Variants in BNC2 observed in about 807,000 individuals in gnomAD.
BNC2 encodes zinc finger protein basonuclin-2.
Under a neutral mutation model 76.3 loss-of-function variants are expected in BNC2, and 20 were observed. The ratio of observed to expected loss-of-function variants is 0.26; its 90% confidence interval spans 0.18 to 0.38. The LOEUF is 0.38. BNC2 is among the 10% of genes least tolerant of loss of function. The pLI is 1.00. For missense variants in BNC2, 1,382 were observed against 1,399.8 expected (o/e 0.99, Z 0.20); for synonymous variants, 582 against 514.8 (o/e 1.13, Z -1.77).
intron 3 of BNC2, among the ~76,000 whole-genome samples, chr9:16,629,530 A>T (rs1371796638): frequency 6.6e-6 from 1 of 152,198 alleles, no homozygotes; most frequent in Non-Finnish European, 1.5e-5. Context: ...TGAGGCTTAC[A>T]ATTGGATAAA....
At chr9:16,694,400 C>G (rs936446125) in intron 3 of BNC2, among the ~76,000 whole-genome samples, 3 of 152,078 alleles carry the variant, frequency 2.0e-5, no homozygotes, top group Non-Finnish European at 4.4e-5. Context: ...GTTTAAGAGA[C>G]AAATACAACA....
chr9:16,761,141 G>C (rs1478763103), intron 1 of BNC2, among the ~76,000 whole-genome samples: 1 of 152,058 alleles, frequency 6.6e-6, no homozygotes, highest in African/African-American at 2.4e-5. Flanking sequence ...CCAGCTACTT[G>C]GGAGGCTAAG....
intron 1 of BNC2, among the ~76,000 whole-genome samples, chr9:16,834,671 C>T (rs1416181319): frequency 6.6e-6 from 1 of 152,176 alleles, no homozygotes; most frequent in East Asian, 1.9e-4. Flanking sequence ...TACCGGTCTC[C>T]TCACCCATTT....
chr9:16,699,474 T>C (rs576376493), intron 3 of BNC2, among the ~76,000 whole-genome samples: 1 of 152,342 alleles, frequency 6.6e-6, no homozygotes, highest in Admixed American at 6.5e-5. Flanking sequence ...CATTTTCTTC[T>C]GCAAAAGTAA....
chr9:16,687,159 A>T (rs1823003389), intron 3 of BNC2, among the ~76,000 whole-genome samples: 1 of 152,118 alleles, frequency 6.6e-6, no homozygotes. Flanking sequence ...CAAACTTAAG[A>T]CATGAGAAAG....
At chr9:16,828,355 A>G (rs942260550) in intron 1 of BNC2, among the ~76,000 whole-genome samples, 1 of 152,244 alleles carries the variant, frequency 6.6e-6, no homozygotes, top group Non-Finnish European at 1.5e-5. Context: ...AATTCATAAT[A>G]CTTACAAAAC....
intron 3 of BNC2, among the ~76,000 whole-genome samples, chr9:16,614,980 A>AGCC (rs1312892109): frequency 0.011 from 60 of 5,638 alleles, no homozygotes; most frequent in Non-Finnish European, 0.046. Context: ...AAAAAAAAAA[A>AGCC]AAAAAAAAAA....
At chr9:16,643,740 A>G (rs1490165660) in intron 3 of BNC2, among the ~76,000 whole-genome samples, 1 of 152,132 alleles carries the variant, frequency 6.6e-6, no homozygotes, top group African/African-American at 2.4e-5. Flanking sequence ...TTCAAAAATC[A>G]TTTTTAGCTT....
intron 1 of BNC2, among the ~76,000 whole-genome samples, chr9:16,796,342 C>T (rs1158010860): frequency 6.6e-6 from 1 of 152,120 alleles, no homozygotes; most frequent in Admixed American, 6.5e-5. Flanking sequence ...GATTTCATAA[C>T]TGATGTCTTC....
At chr9:16,703,133 T>C (rs1050789818) in intron 3 of BNC2, among the ~76,000 whole-genome samples, 3 of 152,168 alleles carry the variant, frequency 2.0e-5, no homozygotes, top group African/African-American at 2.4e-5. Flanking sequence ...AAGGAAACTT[T>C]TAATAAATCA....
At chr9:16,497,362 A>T (rs936338250) in intron 5 of BNC2, among the ~76,000 whole-genome samples, 2 of 152,248 alleles carry the variant, frequency 1.3e-5, no homozygotes, top group African/African-American at 2.4e-5. Context: ...TATAGCACTG[A>T]AAGTTTTAAT....
intron 3 of BNC2, among the ~76,000 whole-genome samples, chr9:16,656,156 A>C (rs1821924027): frequency 6.6e-6 from 1 of 152,128 alleles, no homozygotes; most frequent in Non-Finnish European, 1.5e-5. Context: ...GAATTATCCA[A>C]CACAAAATGT....
At chr9:16,820,397 G>A (rs1338693285) in intron 1 of BNC2, among the ~76,000 whole-genome samples, 1 of 151,968 alleles carries the variant, frequency 6.6e-6, no homozygotes, top group Non-Finnish European at 1.5e-5. Context: ...TTGCGCTCCA[G>A]CCTGGGCAAC....
At position 16,417,746 on chromosome 9, in the gene BNC2, G is replaced by C. The variant is rs964584969; in HGVS notation, c.*1243C>G. The C allele has an allele frequency of 6.6e-6, 1 of 152,598 alleles. No individual in the cohort carries two copies. Among genetic ancestry groups the C allele is most frequent in the Non-Finnish European group, 1.5e-5 (1 of 68,024 alleles). 9.5% of individuals were successfully genotyped at this position (152,598 alleles called of 1,614,324 possible). ...TCCGTAGCGGGTAATTTGGGCTTTT[G>C]TATCCTGAAATATTATCCTGCCTCT... On this transcript the variant is annotated 3_prime_UTR_variant, in exon 7 of 7. Coordinates refer to ENST00000380672, the MANE Select transcript of BNC2 (RefSeq NM_017637.6).
In BNC2 at chr9:16,826,232, A is replaced by C. The variant is rs1818451759; in HGVS notation, c.3+44414T>G. 2.6e-5 allele frequency among the ~76,000 whole-genome samples: 3 copies of C among 115,406 alleles called. No homozygotes were observed. The South Asian group carries it at 1.0e-3, about 39-fold the overall frequency. 75.7% of individuals were successfully genotyped at this position (115,406 alleles called of 152,430 possible). Reference sequence around the variant, plus strand: ...TCCTTACTTCACTCCCCCCCGCTCAATCTTCCCCCATAACCCAGAGACTTG... The same window carrying C: ...TCCTTACTTCACTCCCCCCCGCTCACTCTTCCCCCATAACCCAGAGACTTG... On this transcript the variant is annotated intron_variant, in intron 1 of 6. Coordinates refer to ENST00000380672, the MANE Select transcript of BNC2 (RefSeq NM_017637.6).
chr9:16,467,772 T>C (rs534016589), intron 5 of BNC2, among the ~76,000 whole-genome samples: 12 of 144,026 alleles, frequency 8.3e-5, no homozygotes, highest in African/African-American at 3.1e-4. Flanking sequence ...GCATGGCACA[T>C]GTATACATAT....
rs143280183 is a variant in BNC2, at chr9:16,419,272, G to A, written c.3017C>T (p.Ala1006Val). The A allele has an allele frequency of 1.6e-4, 265 of 1,614,200 alleles. No homozygotes were observed. The African/African-American group carries it at 2.8e-3, about 17-fold the overall frequency. The change falls in exon 7 of 7, where the codon GCC becomes GTC. Residue 1006 changes from alanine (A) to valine (V), a missense_variant. By Grantham distance (64) the Ala-to-Val change is moderately conservative. Around this residue, in one of 3 missense-constraint regions of BNC2, gnomAD observed 798 missense variants for 775.5 expected, o/e 1.03. Transcript: ENST00000380672. Reference sequence around the variant, plus strand: ...GCTGCCAGGGAGGGCAGGGGCCTCGGCCTTGTGTGCCGACTCCCCACTGTC... The same window carrying A: ...GCTGCCAGGGAGGGCAGGGGCCTCGACCTTGTGTGCCGACTCCCCACTGTC... The part of the protein sequence containing the change: ...ASDSGESAHK[A>V]EAPALPGSLG...
intron 3 of BNC2, among the ~76,000 whole-genome samples, chr9:16,640,445 G>C (rs1292696811): frequency 1.3e-5 from 2 of 152,174 alleles, no homozygotes; most frequent in African/African-American, 4.8e-5. Context: ...TTTCATGTTA[G>C]AAAATGGCAA....
intron 1 of BNC2, among the ~76,000 whole-genome samples, chr9:16,844,284 C>T (rs1003469568): frequency 1.1e-4 from 16 of 151,636 alleles, no homozygotes; most frequent in East Asian, 1.9e-4. Flanking sequence ...TGGGGGCTTA[C>T]GACTAAATAC....
Sources: allele counts gnomAD v4.1 joint callset (sites outside exome capture counted in the v4.1 genomes callset), GRCh38; gene constraint gnomAD v4.1.1; regional missense constraint gnomAD v4.1.1; transcripts MANE v1.5; gene names NCBI Gene and HGNC (gene_info 2026-07-23, HGNC 2026-07-21).